GBE1: variants seen among roughly 807,000 people sequenced by gnomAD.
The protein encoded by GBE1 is 1,4-alpha-glucan-branching enzyme.
A neutral mutation model predicts 88.8 loss-of-function variants in GBE1; 70 were observed. That is an observed-to-expected ratio of 0.79 (90% CI 0.65 to 0.96). GBE1 has a LOEUF of 0.96. GBE1 is among the 40% of genes least tolerant of loss of function. The pLI, the probability that GBE1 is intolerant of heterozygous loss-of-function variation, is 0.00. For synonymous variants in GBE1, 284 were observed against 300.1 expected (o/e 0.95, Z 0.56); for missense variants, 872 against 871.0 (o/e 1.00, Z -0.01).
rs138055084 is a variant in GBE1, at chr3:81,562,967, TC to T, written c.1618+14957del. On this transcript the variant is annotated intron_variant, in intron 12 of 15. Coordinates refer to ENST00000429644, the MANE Select transcript of GBE1 (RefSeq NM_000158.4). The stretch of plus-strand genomic sequence containing the variant: ...AGGCAGAGAAATTCATCTTTTAAAC[TC>T]CTAGTCTCCTATTGTCGAGTTGTTC... 3.4e-3 allele frequency among the ~76,000 whole-genome samples: 522 copies of T among 151,998 alleles called. 2 individuals are homozygous for T. The highest frequency in any genetic ancestry group is 0.012 in the African/African-American group (493 of 41,504).
Position 81,549,565 on chromosome 3 carries a change from C to T in GBE1, c.1619-12470G>A, listed in dbSNP as rs550175677. On this transcript the variant is annotated intron_variant, in intron 12 of 15. Transcript: ENST00000429644. ...GTTCTTGACCCACAGTGATAAGCAA[C>T]GAATGTCACTTTCTGATAAGCCCAG... 3.6e-4 allele frequency among the ~76,000 whole-genome samples: 55 copies of T among 151,428 alleles called. No homozygotes were observed. The South Asian group carries it at 0.01, about 28-fold the overall frequency.
intron 2 of GBE1, among the ~76,000 whole-genome samples, chr3:81,673,208 T>A (rs964111505): frequency 1.3e-5 from 2 of 151,916 alleles, no homozygotes; most frequent in African/African-American, 4.8e-5. Context: ...TAGAACACTA[T>A]ATGATTCCTG....
chr3:81,496,551 C>T (rs957032724), intron 15 of GBE1, among the ~76,000 whole-genome samples: 1 of 152,088 alleles, frequency 6.6e-6, no homozygotes, highest in Non-Finnish European at 1.5e-5. Context: ...TTTTAGTCTG[C>T]AAGTATGGGA....
At chr3:81,513,508 C>G (rs1702752516) in intron 14 of GBE1, among the ~76,000 whole-genome samples, 1 of 150,454 alleles carries the variant, frequency 6.6e-6, no homozygotes, top group South Asian at 2.1e-4. Flanking sequence ...CCCGGAAAGG[C>G]AAATATATCC....
In GBE1 at chr3:81,750,627, A is replaced by G. The variant is rs1300192338; in HGVS notation, c.143+10748T>C. Among the ~76,000 whole-genome samples, 11 of 64,386 alleles carry G rather than the reference A, an allele frequency of 1.7e-4. 1 individual carries two copies. The East Asian group carries it at 6.3e-3, about 37-fold the overall frequency. 42.2% of individuals were successfully genotyped at this position (64,386 alleles called of 152,430 possible). A position where few individuals can be genotyped will look rare whatever the true frequency, so the allele number is the denominator to read the frequency against. ...TGTATATATATATATGTATATATAT[A>G]TACGTATATATATATATGTATATAT... On this transcript the variant is annotated intron_variant, in intron 1 of 15. Coordinates refer to ENST00000429644, the MANE Select transcript of GBE1 (RefSeq NM_000158.4).
At chr3:81,573,103 A>G (rs997357356) in intron 12 of GBE1, among the ~76,000 whole-genome samples, 2 of 152,200 alleles carry the variant, frequency 1.3e-5, no homozygotes, top group South Asian at 2.1e-4. Flanking sequence ...AAAAAAATAA[A>G]CCATAATGTC....
At chr3:81,687,891 T>C (rs1391832009) in intron 2 of GBE1, among the ~76,000 whole-genome samples, 1 of 152,194 alleles carries the variant, frequency 6.6e-6, no homozygotes, top group Non-Finnish European at 1.5e-5. Flanking sequence ...TTTAGCATCA[T>C]GGAGTTTAAA....
chr3:81,520,028 G>C (rs1250691069), intron 14 of GBE1, among the ~76,000 whole-genome samples: 1 of 151,550 alleles, frequency 6.6e-6, no homozygotes, highest in Non-Finnish European at 1.5e-5. Flanking sequence ...GCACCAGGGT[G>C]TAACAGAAAG....
chr3:81,598,360 C>G (rs766142869), intron 7 of GBE1, among the ~76,000 whole-genome samples: 4 of 151,538 alleles, frequency 2.6e-5, no homozygotes, highest in Non-Finnish European at 5.9e-5. Flanking sequence ...GTATTTCAAT[C>G]GAGGCAGTAG....
At chr3:81,590,243 A>G (rs1474683553) in intron 9 of GBE1, among the ~76,000 whole-genome samples, 2 of 152,070 alleles carry the variant, frequency 1.3e-5, no homozygotes, top group Admixed American at 6.6e-5. Flanking sequence ...CTAAACACCA[A>G]CAATGTAAAA....
chr3:81,660,268 C>T (rs1004715347), intron 3 of GBE1, among the ~76,000 whole-genome samples: 1 of 152,052 alleles, frequency 6.6e-6, no homozygotes, highest in Non-Finnish European at 1.5e-5. Flanking sequence ...GAGGTGGAAA[C>T]AGTGATGATG....
At position 81,743,717 on chromosome 3, in the gene GBE1, G is replaced by A. The variant is rs546106037; in HGVS notation, c.143+17658C>T. The A allele has an allele frequency of 4.2e-5, 34 of 813,704 alleles. No individual in the cohort carries two copies. The Admixed American group carries it at 9.0e-4, about 21-fold the overall frequency. 50.4% of individuals were successfully genotyped at this position (813,704 alleles called of 1,614,324 possible). ...TATCAAGAAAGACCAGATTTACTTT[G>A]TCTGGCCCATGTTTTTGTTTTGTGT... On this transcript the variant is annotated intron_variant, in intron 1 of 15. Coordinates refer to ENST00000429644, the MANE Select transcript of GBE1 (RefSeq NM_000158.4).
At chr3:81,676,387 A>T (rs1260736140) in intron 2 of GBE1, among the ~76,000 whole-genome samples, 3 of 152,116 alleles carry the variant, frequency 2.0e-5, no homozygotes, top group African/African-American at 7.2e-5. Flanking sequence ...TTTTGTTTAC[A>T]TTGTGACTAA....
intron 1 of GBE1, among the ~76,000 whole-genome samples, chr3:81,752,453 G>A (rs1251663298): frequency 6.6e-6 from 1 of 152,060 alleles, no homozygotes; most frequent in East Asian, 1.9e-4. Flanking sequence ...TGATGCCCAA[G>A]AATATGAACA....
chr3:81,563,254 A>AG (rs535876874), intron 12 of GBE1, among the ~76,000 whole-genome samples: 17 of 152,178 alleles, frequency 1.1e-4, no homozygotes, highest in Admixed American at 3.9e-4. Context: ...AAGTGTGCTA[A>AG]GTGGCTGTGA....
At chr3:81,731,971 T>A (rs1706192574) in intron 1 of GBE1, among the ~76,000 whole-genome samples, 1 of 152,110 alleles carries the variant, frequency 6.6e-6, no homozygotes, top group South Asian at 2.1e-4. Context: ...AAACACTAAT[T>A]TTTGTTTCTA....
chr3:81,542,559 T>C (rs896041800), intron 12 of GBE1, among the ~76,000 whole-genome samples: 7 of 152,124 alleles, frequency 4.6e-5, no homozygotes, highest in Admixed American at 2.0e-4. Flanking sequence ...ACTTTAAAAG[T>C]ATTTTTCATC....
intron 1 of GBE1, among the ~76,000 whole-genome samples, chr3:81,730,826 C>T (rs189693217): frequency 1.3e-5 from 2 of 152,260 alleles, no homozygotes; most frequent in Non-Finnish European, 2.9e-5. Flanking sequence ...GCCTTGTGAC[C>T]ATCTACAGAC....
Position 81,492,839 on chromosome 3 carries a change from G to C in GBE1, c.2053-2376C>G, listed in dbSNP as rs147673531. Among the ~76,000 whole-genome samples the C allele has an allele frequency of 7.1e-3, 1,082 of 151,910 alleles. 22 individuals carry two copies. Among genetic ancestry groups the C allele is most frequent in the African/African-American group, 0.025 (1,034 of 41,436 alleles). The stretch of plus-strand genomic sequence containing the variant: ...TGCAATCTCCGCCTCCCAGGTTCAA[G>C]CCATTCTCCTGTCTCAGCCTCCTGA... On this transcript the variant is annotated intron_variant, in intron 15 of 15. Transcript: ENST00000429644.
Sources: allele counts gnomAD v4.1 joint callset (sites outside exome capture counted in the v4.1 genomes callset), GRCh38; gene constraint gnomAD v4.1.1; transcripts MANE v1.5; gene names NCBI Gene and HGNC (gene_info 2026-07-23, HGNC 2026-07-21).